CHGA: variants seen among roughly 807,000 people sequenced by gnomAD.
The protein encoded by CHGA is chromogranin-A.
CHGA carries 41 observed loss-of-function variants against 54.4 expected under a neutral mutation model. The observed-to-expected ratio is 0.75, with a 90% CI of 0.59 to 0.98. The LOEUF is 0.98. CHGA is among the 50% of genes least tolerant of loss of function. The probability of loss-of-function intolerance (pLI) is 0.00; values close to 1 mark genes in which losing one functional copy is unlikely to be tolerated. For synonymous variants in CHGA, 249 were observed against 232.8 expected, an observed-to-expected ratio of 1.07 and a Z score of -0.63; for missense variants, 576 against 582.3, an observed-to-expected ratio of 0.99 and a Z score of 0.11.
Position 92,929,712 on chromosome 14 carries a change from A to T in CHGA, c.257-5A>T. ...TGGGACTTTTCCCTCCTTTTCTCAT[A>T]CCAGGCGCCAAGGAGAGGGCACATC... On this transcript the variant is annotated splice_polypyrimidine_tract_variant and splice_region_variant and intron_variant, in intron 4 of 7. Transcript: ENST00000216492. 1 of 1,613,564 alleles carries T rather than the reference A, an allele frequency of 6.2e-7. No homozygotes were observed. Among genetic ancestry groups the T allele is most frequent in the Non-Finnish European group, 8.5e-7 (1 of 1,179,688 alleles).
chr14:92,931,034 A>C (rs537137593), intron 5 of CHGA, among the ~76,000 whole-genome samples: 6 of 152,244 alleles, frequency 3.9e-5, no homozygotes, highest in Non-Finnish European at 8.8e-5. Context: ...TTGAATAATA[A>C]CCTGTTTTAA....
intron 4 of CHGA, among the ~76,000 whole-genome samples, chr14:92,929,160 C>T (rs932983753): frequency 1.1e-4 from 16 of 152,216 alleles, no homozygotes; most frequent in African/African-American, 3.4e-4. Flanking sequence ...TGGCTGCAGG[C>T]GCCAACCCTG....
At chr14:92,933,982 C>T (rs1235934638) in intron 7 of CHGA, among the ~76,000 whole-genome samples, 1 of 152,158 alleles carries the variant, frequency 6.6e-6, no homozygotes. Context: ...GAGCACCTGC[C>T]CCAGGGCCTC....
At chr14:92,928,350 G>C (rs958540852) in intron 4 of CHGA, among the ~76,000 whole-genome samples, 1 of 152,218 alleles carries the variant, frequency 6.6e-6, no homozygotes, top group African/African-American at 2.4e-5. Flanking sequence ...TGAGAACAGA[G>C]AGGGCTTTGG....
In CHGA at chr14:92,932,376, C is replaced by G; in HGVS notation, c.815C>G (p.Ser272Trp). The stretch of plus-strand genomic sequence containing the variant: ...TGCCCACCACCTGCTCCAGGTCGGT[C>G]GGAGGCTCTGGCTGTGGATGGAGCT... ...YKEIRKGESR[S>W]EALAVDGAGK... Residue 272 changes from serine to tryptophan, a missense_variant, in exon 7 of 8, where the codon TCG (serine) becomes TGG (tryptophan). Physicochemically the swap from Ser to Trp is radical, Grantham distance 177. Transcript: ENST00000216492. The surrounding 1 kb of genome is among the most constrained non-coding windows in gnomAD (Gnocchi z 5.3). 6.3e-7 allele frequency: 1 copy of G among 1,582,018 alleles called. No homozygotes were observed. The highest frequency in any genetic ancestry group is 8.6e-7 in the Non-Finnish European group (1 of 1,164,874).
In CHGA at chr14:92,924,276, G is replaced by A. The variant is rs752663481; in HGVS notation, c.93+31G>A. ...AAGGGGTGCTGGGGATGAGGGGTAG[G>A]AGGCTCCAGTGGACACTTCACAGCC... On this transcript the variant is annotated intron_variant, in intron 2 of 7. Coordinates refer to ENST00000216492, the MANE Select transcript of CHGA (RefSeq NM_001275.4). The A allele has an allele frequency of 2.5e-6, 4 of 1,604,092 alleles. No individual in the cohort carries two copies. The South Asian group carries it at 4.5e-5, about 18-fold the overall frequency.
At chr14:92,927,473 C>T in intron 3 of CHGA, 77 bp from the exon 4 acceptor site, 2 of 1,228,952 alleles carry the variant, frequency 1.6e-6, no homozygotes, top group South Asian at 1.3e-5. Context: ...TCCTTGTGCT[C>T]AGCTGAAAAT....
intron 2 of CHGA, 44 bp downstream of exon 2, chr14:92,924,289 A>T: frequency 6.3e-7 from 1 of 1,586,260 alleles, no homozygotes; most frequent in Non-Finnish European, 8.6e-7. Context: ...GCTCCAGTGG[A>T]CACTTCACAG....
In CHGA at chr14:92,930,370, G is replaced by A. The variant is rs111327812; in HGVS notation, c.355+555G>A. On this transcript the variant is annotated intron_variant, in intron 5 of 7. Coordinates refer to ENST00000216492, the MANE Select transcript of CHGA (RefSeq NM_001275.4). ...CCGGGGAGAGCCACAAACTGGCCCC[G>A]TGGCGCTTCTGCTCTCCATGTAGAA... Among the ~76,000 whole-genome samples the A allele has an allele frequency of 5.5e-3, 845 of 152,360 alleles. 9 individuals are homozygous for A. Among genetic ancestry groups the A allele is most frequent in the African/African-American group, 0.02 (814 of 41,586 alleles).
intron 5 of CHGA, among the ~76,000 whole-genome samples, chr14:92,930,192 G>T (rs775410434): frequency 2.6e-5 from 4 of 152,250 alleles, no homozygotes; most frequent in Non-Finnish European, 5.9e-5. Flanking sequence ...AAGTGGTGGG[G>T]CCTCAGAATA....
In CHGA at chr14:92,931,295, A is replaced by G; in HGVS notation, c.401A>G (p.Glu134Gly). ...PSSKDVMEKR[E>G]DSKEAEKSGE... ...TCCAAGGATGTTATGGAGAAAAGAG[A>G]GGATTCCAAGGAGGCAGAGAAAAGT... The change falls in exon 6 of 8, where the codon GAG becomes GGG. Residue 134 changes from glutamate (E) to glycine (G), a missense_variant. Coordinates refer to ENST00000216492, the MANE Select transcript of CHGA (RefSeq NM_001275.4). 4 of 1,613,650 alleles carry G rather than the reference A, an allele frequency of 2.5e-6. No individual in the cohort carries two copies. The highest frequency in any genetic ancestry group is 3.4e-6 in the Non-Finnish European group (4 of 1,179,916).
intron 1 of CHGA, among the ~76,000 whole-genome samples, chr14:92,923,614 AC>A (rs1030221113): frequency 4.0e-5 from 6 of 151,746 alleles, no homozygotes; most frequent in African/African-American, 1.5e-4. Context: ...CTGACTCCCA[AC>A]CCCCCGGGGC....
rs201730242 is a variant in CHGA at position 92,931,716 on chromosome 14, C to A, written c.808+14C>A. The A allele has an allele frequency of 4.5e-6, 7 of 1,545,256 alleles. No homozygotes were observed. Among genetic ancestry groups the A allele is most frequent in the Non-Finnish European group, 5.3e-6 (6 of 1,142,210 alleles). ...GGAAAGGCGAGAGTACGTATGATGG[C>A]GAAGACCTCAACGAACGTGTCTGGG... On this transcript the variant is annotated intron_variant, in intron 6 of 7. Coordinates refer to ENST00000216492, the MANE Select transcript of CHGA (RefSeq NM_001275.4).
At position 92,932,701 on chromosome 14, in the gene CHGA, C is replaced by T. The variant is rs372170669; in HGVS notation, c.1140C>T (p.Ala380=). The change falls in exon 7 of 8, where the codon GCC becomes GCT. Residue 380 remains alanine (A), a synonymous_variant. Transcript: ENST00000216492. This position sits in a 1 kb window ranked among gnomAD's most constrained non-coding sequence, Gnocchi z 5.3. Reference sequence around the variant, plus strand: ...TGAAGCTCTCCTTCCGGGCCCGGGCCTACGGCTTCAGGGGCCCTGGGCCGC... The same window carrying T: ...TGAAGCTCTCCTTCCGGGCCCGGGCTTACGGCTTCAGGGGCCCTGGGCCGC... ...SSMKLSFRAR[A]YGFRGPGPQL... is the part of the protein sequence containing the mutation. The T allele has an allele frequency of 5.3e-5, 85 of 1,611,024 alleles. No homozygotes were observed. The highest frequency in any genetic ancestry group is 7.1e-5 in the Non-Finnish European group (84 of 1,179,622).
chr14:92,932,816 A>G lies in CHGA; in HGVS notation c.1255A>G (p.Lys419Glu), dbSNP rs1887039010. 1 of 1,538,498 alleles carries G rather than the reference A, an allele frequency of 6.5e-7. No individual in the cohort carries two copies. The highest frequency in any genetic ancestry group is 1.4e-5 in the African/African-American group (1 of 73,284). The change falls in exon 7 of 8, where the codon AAA becomes GAA. Residue 419 changes from lysine (K) to glutamate (E), a missense_variant. Physicochemically the swap from Lys to Glu is moderately conservative, Grantham distance 56. Transcript: ENST00000216492. The surrounding 1 kb of genome is among the most constrained non-coding windows in gnomAD (Gnocchi z 5.3). ...GGTCCGAGGCTACCCCGAGGAGAAGAAAGAGGAGGAGGGCAGCGCAAACCG... is the reference window on the plus strand; with the variant it reads ...GGTCCGAGGCTACCCCGAGGAGAAGGAAGAGGAGGAGGGCAGCGCAAACCG... ...LQVRGYPEEK[K>E]EEEGSANRRP...
In CHGA at chr14:92,929,829, G is replaced by C. The variant is rs781384364; in HGVS notation, c.355+14G>C. ...CCGAGCTGAAAGGTCTGTCCCAGCC[G>C]GTCTGGCCGGAGGTGGGGAAGGGAG... On this transcript the variant is annotated intron_variant, in intron 5 of 7. Transcript: ENST00000216492. 1 of 1,608,056 alleles carries C rather than the reference G, an allele frequency of 6.2e-7. No homozygotes were observed. Among genetic ancestry groups the C allele is most frequent in the African/African-American group, 1.3e-5 (1 of 75,002 alleles).
intron 7 of CHGA, 117 bp from the exon 8 acceptor site, chr14:92,934,682 TAC>T: frequency 1.4e-6 from 1 of 705,052 alleles, no homozygotes; most frequent in South Asian, 1.7e-5. Context: ...TGGATGAGGG[TAC>T]AGAGAGACAA....
At chr14:92,934,239 C>A (rs1887071024) in intron 7 of CHGA, among the ~76,000 whole-genome samples, 1 of 152,198 alleles carries the variant, frequency 6.6e-6, no homozygotes, top group African/African-American at 2.4e-5. Context: ...AGGAGGGGTC[C>A]CTGCTTCCCT....
chr14:92,923,886 G>A (rs1446085665), intron 1 of CHGA, among the ~76,000 whole-genome samples: 1 of 150,658 alleles, frequency 6.6e-6, no homozygotes, highest in Admixed American at 6.6e-5. Context: ...TCTCCCCTTC[G>A]TCTGTCTCCC....
Sources: allele counts gnomAD v4.1 joint callset (sites outside exome capture counted in the v4.1 genomes callset), GRCh38; gene constraint gnomAD v4.1.1; non-coding constraint Gnocchi (gnomAD v3.1); transcripts MANE v1.5; gene names NCBI Gene and HGNC (gene_info 2026-07-23, HGNC 2026-07-21).